The following TIMM23B variants were observed in gnomAD, a reference collection of about 807,000 sequenced individuals.
TIMM23B encodes the protein translocase of inner mitochondrial membrane 23 homolog B.
A neutral mutation model predicts 27.3 loss-of-function variants in TIMM23B; 27 were observed. The ratio of observed to expected loss-of-function variants is 0.99; its 90% CI spans 0.73 to 1.36. The LOEUF (loss-of-function observed/expected upper bound fraction) is 1.36, where lower values mean the gene tolerates loss of function less well. Ranked by LOEUF, TIMM23B falls within the 40% of genes most tolerant of loss-of-function variation. The pLI is 0.00. For missense variants in TIMM23B, 205 were observed against 244.2 expected (o/e 0.84, Z 1.07); for synonymous variants, 73 against 92.4 (o/e 0.79, Z 1.21).
rs1840546248 is a variant in TIMM23B at position 49,973,674 on chromosome 10, C to T, written c.*610C>T. On this transcript the variant is annotated 3_prime_UTR_variant, in exon 7 of 7. Transcript: ENST00000651259. The stretch of plus-strand genomic sequence containing the variant: ...CCTGGGTGACACACCAAGTTGCCAT[C>T]TCTTCAAAAAAGGAATCTAGAGACA... The T allele has an allele frequency of 6.6e-6, 1 of 151,348 alleles. No homozygotes were observed. Among genetic ancestry groups the T allele is most frequent in the Admixed American group, 6.6e-5 (1 of 15,210 alleles). 9.4% of individuals were successfully genotyped at this position (151,348 alleles called of 1,614,324 possible). A position where few individuals can be genotyped will look rare whatever the true frequency, so the allele number is the denominator to read the frequency against.
chr10:49,958,562 A>G, intron 6 of TIMM23B, 82 bp downstream of exon 6: 1 of 1,168,902 alleles, frequency 8.6e-7, no homozygotes, highest in Admixed American at 1.7e-5. Context: ...AGGAAATTAC[A>G]CTCTGTTGCA....
rs553415715 is a variant in TIMM23B at position 49,967,417 on chromosome 10, C to T, written c.515-5595C>T. Among the ~76,000 whole-genome samples, 5 of 152,126 alleles carry T rather than the reference C, an allele frequency of 3.3e-5. No individual in the cohort carries two copies. The East Asian group carries it at 9.7e-4, about 29-fold the overall frequency. On this transcript the variant is annotated intron_variant, in intron 6 of 6. Coordinates refer to ENST00000651259, the MANE Select transcript of TIMM23B (RefSeq NM_001290117.2). ...CCACCACACAAAATTTATGTCTGTG[C>T]CCTGTCTTCTTGGGTCTATTTTTTA...
chr10:49,952,072 C>G lies in TIMM23B; in HGVS notation c.166-54C>G, dbSNP rs1839551185. On this transcript the variant is annotated intron_variant, in intron 2 of 6. Coordinates refer to ENST00000651259, the MANE Select transcript of TIMM23B (RefSeq NM_001290117.2). Reference sequence around the variant, plus strand: ...TTGAAATGTTAAAAAGGCAACTTTACAAGATTTGTGTCTTGAGGGACACTC... The same window carrying G: ...TTGAAATGTTAAAAAGGCAACTTTAGAAGATTTGTGTCTTGAGGGACACTC... 4 of 1,345,536 alleles carry G rather than the reference C, an allele frequency of 3.0e-6. No homozygotes were observed. The South Asian group carries it at 3.7e-5, about 12-fold the overall frequency. The allele number at this position is 1,345,536 out of a possible 1,614,324, so 83.3% of individuals were successfully genotyped here.
chr10:49,943,750 T>G (rs1290759706), intron 1 of TIMM23B, among the ~76,000 whole-genome samples: 26 of 149,964 alleles, frequency 1.7e-4, no homozygotes, highest in Admixed American at 5.3e-4. Context: ...TTTTTTTTTT[T>G]TTTTTTTTTT....
At chr10:49,950,205 T>C (rs1246704090) in intron 2 of TIMM23B, among the ~76,000 whole-genome samples, 475 of 150,062 alleles carry the variant, frequency 3.2e-3, no homozygotes, top group East Asian at 0.013. Flanking sequence ...TTTTTCTTTT[T>C]TTTTTTTTTT....
chr10:49,956,426 C>CGTGT (rs1173703740), intron 5 of TIMM23B, among the ~76,000 whole-genome samples: 5,875 of 113,872 alleles, frequency 0.052, 413 homozygotes, highest in African/African-American at 0.11. Context: ...ACTAGAAATA[C>CGTGT]GTGTGTGTGT....
rs1350380015 is a variant in TIMM23B, at chr10:49,962,492, C to G, written c.514+4012C>G. Among the ~76,000 whole-genome samples the G allele has an allele frequency of 1.4e-3, 216 of 152,202 alleles. 1 individual carries two copies. Among genetic ancestry groups the G allele is most frequent in the African/African-American group, 4.9e-3 (203 of 41,528 alleles). On this transcript the variant is annotated intron_variant, in intron 6 of 6. Transcript: ENST00000651259. The stretch of plus-strand genomic sequence containing the variant: ...CTGGGATTACAGGCGTGAACCACCA[C>G]GCCGGGCCAAGCCAGATTCTTTAAA...
At chr10:49,955,512 A>G (rs1266075087) in intron 5 of TIMM23B, among the ~76,000 whole-genome samples, 2 of 152,242 alleles carry the variant, frequency 1.3e-5, no homozygotes, top group East Asian at 1.9e-4. Flanking sequence ...AATTGCCACA[A>G]TTGGAATAGG....
At chr10:49,950,346 A>G (rs1839486153) in intron 2 of TIMM23B, among the ~76,000 whole-genome samples, 1 of 151,312 alleles carries the variant, frequency 6.6e-6, no homozygotes, top group Non-Finnish European at 1.5e-5. Context: ...AGAGCTTTTT[A>G]GTAAATCTTC....
intron 5 of TIMM23B, 99 bp downstream of exon 5, chr10:49,955,159 A>G (rs1839673226): frequency 3.3e-6 from 4 of 1,206,286 alleles, no homozygotes; most frequent in Non-Finnish European, 3.7e-6. Flanking sequence ...GTCCTAGGAT[A>G]TGAGACAATT....
At chr10:49,943,520 A>G (rs1839237656) in intron 1 of TIMM23B, among the ~76,000 whole-genome samples, 1 of 151,848 alleles carries the variant, frequency 6.6e-6, no homozygotes, top group African/African-American at 2.4e-5. Context: ...CTGAGCTACT[A>G]CTTTACCTGT....
intron 6 of TIMM23B, among the ~76,000 whole-genome samples, chr10:49,964,390 T>A (rs1840040702): frequency 6.7e-6 from 1 of 148,446 alleles, no homozygotes; most frequent in South Asian, 2.1e-4. Context: ...AAATGCCAGG[T>A]GTGGTGGCGC....
At chr10:49,964,476 TAATGA>T (rs1183434909) in intron 6 of TIMM23B, among the ~76,000 whole-genome samples, 1 of 139,110 alleles carries the variant, frequency 7.2e-6, no homozygotes, top group Non-Finnish European at 1.5e-5. Context: ...TGAAATGAAA[TAATGA>T]AATGAATAAT....
chr10:49,945,839 T>G (rs1839339543), intron 2 of TIMM23B, among the ~76,000 whole-genome samples: 2 of 152,074 alleles, frequency 1.3e-5, no homozygotes, highest in African/African-American at 4.8e-5. Flanking sequence ...CACATGCTTA[T>G]CTCAATAGAT....
chr10:49,945,564 A>G (rs1839329277), intron 2 of TIMM23B, among the ~76,000 whole-genome samples: 1 of 152,150 alleles, frequency 6.6e-6, no homozygotes, highest in Non-Finnish European at 1.5e-5. Flanking sequence ...TGTTCTCAAT[A>G]GAGACCGGGT....
At chr10:49,969,567 A>T (rs1289045554) in intron 6 of TIMM23B, among the ~76,000 whole-genome samples, 1 of 151,286 alleles carries the variant, frequency 6.6e-6, no homozygotes, top group South Asian at 2.1e-4. Flanking sequence ...TGAGCTAAGC[A>T]TGGTGGTACA....
intron 6 of TIMM23B, among the ~76,000 whole-genome samples, chr10:49,971,653 A>G (rs2805346): frequency 2.7e-4 from 41 of 152,184 alleles, no homozygotes; most frequent in African/African-American, 8.0e-4. Context: ...AGCATATGCA[A>G]ATTGAGACAT....
intron 6 of TIMM23B, among the ~76,000 whole-genome samples, chr10:49,966,113 T>C (rs1200702848): frequency 7.3e-6 from 1 of 137,788 alleles, no homozygotes; most frequent in Admixed American, 7.3e-5. Context: ...AATGAAATAA[T>C]GAAATGAATA....
At chr10:49,972,305 A>G (rs1400101227) in intron 6 of TIMM23B, among the ~76,000 whole-genome samples, 3 of 152,128 alleles carry the variant, frequency 2.0e-5, no homozygotes, top group Non-Finnish European at 4.4e-5. Context: ...CGTGAGTCAC[A>G]GGTTGCACTA....
Sources: gnomAD v4.1 joint callset for allele counts (sites outside exome capture counted in the v4.1 genomes callset) on GRCh38, gnomAD v4.1.1 for gene constraint, MANE v1.5 for transcripts, NCBI Gene and HGNC (gene_info 2026-07-23, HGNC 2026-07-21) for gene names.